Variants in ANKRD55 observed in about 807,000 individuals in gnomAD.
ANKRD55 encodes the protein ankyrin repeat domain-containing protein 55.
Under a neutral mutation model 60.6 loss-of-function variants are expected in ANKRD55, and 41 were observed. The observed-to-expected ratio is 0.68, with a 90% CI of 0.53 to 0.88. The LOEUF (loss-of-function observed/expected upper bound fraction) is 0.88. Among genes scored for constraint, ANKRD55 ranks in the 40% least tolerant of loss-of-function variants. The pLI is 0.00. For synonymous variants in ANKRD55, 264 were observed against 290.3 expected, an observed-to-expected ratio of 0.91 and a Z score of 0.92; for missense variants, 732 against 767.6, an observed-to-expected ratio of 0.95 and a Z score of 0.55.
intron 6 of ANKRD55, among the ~76,000 whole-genome samples, chr5:56,148,095 A>G: frequency 6.6e-6 from 1 of 152,234 alleles, no homozygotes. Context: ...AGCACACAGT[A>G]AGTGTTCAAG....
At chr5:56,130,267 T>C (rs1391516720) in intron 7 of ANKRD55, among the ~76,000 whole-genome samples, 1 of 152,188 alleles carries the variant, frequency 6.6e-6, no homozygotes, top group Non-Finnish European at 1.5e-5. Flanking sequence ...CAGAGCCTAA[T>C]CTACTGAGGT....
intron 2 of ANKRD55, among the ~76,000 whole-genome samples, chr5:56,185,662 C>G (rs1758952797): frequency 6.6e-6 from 1 of 150,924 alleles, no homozygotes. Context: ...GAGTGAAACT[C>G]CATCTCAAAA....
chr5:56,189,448 C>T (rs568135015), intron 2 of ANKRD55, among the ~76,000 whole-genome samples: 1 of 152,224 alleles, frequency 6.6e-6, no homozygotes, highest in East Asian at 1.9e-4. Context: ...TTTCATCTTC[C>T]AAATCTCTGT....
intron 5 of ANKRD55, among the ~76,000 whole-genome samples, chr5:56,165,331 CTG>C (rs911559330): frequency 9.8e-5 from 15 of 152,336 alleles, no homozygotes; most frequent in Admixed American, 3.3e-4. Flanking sequence ...GGGCCTGTGT[CTG>C]TGCACACATT....
At chr5:56,132,980 C>T (rs192926671) in intron 7 of ANKRD55, among the ~76,000 whole-genome samples, 1 of 152,270 alleles carries the variant, frequency 6.6e-6, no homozygotes, top group Non-Finnish European at 1.5e-5. Flanking sequence ...CATAACGATC[C>T]TTATGTACCG....
intron 2 of ANKRD55, among the ~76,000 whole-genome samples, chr5:56,199,080 AAAAC>A (rs56703145): frequency 4.7e-5 from 7 of 150,212 alleles, no homozygotes; most frequent in South Asian, 4.2e-4. Flanking sequence ...ACTCTGTCTC[AAAAC>A]AAACAAACAA....
chr5:56,102,859 A>G lies in ANKRD55; in HGVS notation c.1631-273T>C, dbSNP rs193067409. Among the ~76,000 whole-genome samples the G allele has an allele frequency of 1.8e-3, 271 of 152,322 alleles. 1 individual carries two copies. Among genetic ancestry groups the G allele is most frequent in the African/African-American group, 6.2e-3 (256 of 41,558 alleles). On this transcript the variant is annotated intron_variant, in intron 10 of 11. Transcript: ENST00000341048. ...AAACACACTGGGTTACTCACCCCATAAAAGTTAAAGTTGAAAAAAAAGGAA... is the reference window on the plus strand; with the variant it reads ...AAACACACTGGGTTACTCACCCCATGAAAGTTAAAGTTGAAAAAAAAGGAA...
At chr5:56,125,283 C>CTT (rs869302717) in intron 8 of ANKRD55, among the ~76,000 whole-genome samples, 1 of 147,492 alleles carries the variant, frequency 6.8e-6, no homozygotes, top group Non-Finnish European at 1.5e-5. Flanking sequence ...TTTCTTTTTT[C>CTT]TTTTTTTTTT....
At chr5:56,140,084 A>G (rs887222891) in intron 7 of ANKRD55, among the ~76,000 whole-genome samples, 3 of 152,212 alleles carry the variant, frequency 2.0e-5, no homozygotes, top group East Asian at 1.9e-4. Context: ...TATTATTTCA[A>G]TGAACTATAG....
chr5:56,167,576 T>A (rs1384658068), intron 5 of ANKRD55, among the ~76,000 whole-genome samples: 1 of 152,252 alleles, frequency 6.6e-6, no homozygotes, highest in Non-Finnish European at 1.5e-5. Flanking sequence ...TTTGGGATTA[T>A]TAGTTAAAGC....
chr5:56,111,294 C>T lies in ANKRD55; in HGVS notation c.1454G>A (p.Gly485Asp), dbSNP rs753745207. 6 of 1,614,120 alleles carry T rather than the reference C, an allele frequency of 3.7e-6. No individual in the cohort carries two copies. In the Admixed American group the frequency reaches 8.3e-5, roughly 22 times the overall value. Residue 485 changes from glycine (G) to aspartate (D), a missense_variant, in exon 10 of 12, where the codon GGC (glycine) becomes GAC (aspartate). By Grantham distance (94) the Gly-to-Asp change is moderately conservative. Coordinates refer to ENST00000341048, the MANE Select transcript of ANKRD55 (RefSeq NM_024669.3). ...GGGGTTATCTAGTAACATCTGGCAG[C>T]CAGTTCTGTTATTTAATAAATCCTG... ...SEQDLLNNRT[G>D]CQMLLDNPWK...
chr5:56,158,062 T>C (rs1348353791), intron 6 of ANKRD55, among the ~76,000 whole-genome samples: 2 of 152,176 alleles, frequency 1.3e-5, no homozygotes, highest in Non-Finnish European at 2.9e-5. Flanking sequence ...ACACCTGTAG[T>C]CCCAGCTACT....
chr5:56,144,248 A>G (rs1757844443), intron 6 of ANKRD55, among the ~76,000 whole-genome samples: 1 of 152,238 alleles, frequency 6.6e-6, no homozygotes, highest in South Asian at 2.1e-4. Flanking sequence ...AGATTGATAA[A>G]TACTATGAAG....
At chr5:56,198,367 C>A (rs1373032322) in intron 2 of ANKRD55, among the ~76,000 whole-genome samples, 1 of 151,892 alleles carries the variant, frequency 6.6e-6, no homozygotes, top group Non-Finnish European at 1.5e-5. Flanking sequence ...CTCACCGCAA[C>A]CTCTGCCTCC....
intron 7 of ANKRD55, among the ~76,000 whole-genome samples, chr5:56,135,852 T>C (rs1757583689): frequency 6.6e-6 from 1 of 152,196 alleles, no homozygotes; most frequent in Non-Finnish European, 1.5e-5. Flanking sequence ...GAAGCAATTA[T>C]AGCAAGATTT....
intron 2 of ANKRD55, among the ~76,000 whole-genome samples, chr5:56,204,790 T>C (rs1310545064): frequency 6.6e-6 from 1 of 152,230 alleles, no homozygotes; most frequent in Non-Finnish European, 1.5e-5. Flanking sequence ...TTTTGGAAAT[T>C]GAAAAGTAAG....
At chr5:56,229,964 G>T (rs372501033) in intron 2 of ANKRD55, among the ~76,000 whole-genome samples, 3 of 152,200 alleles carry the variant, frequency 2.0e-5, no homozygotes, top group Admixed American at 6.5e-5. Context: ...GGGTAGGTTG[G>T]ATGACTGGTT....
intron 6 of ANKRD55, among the ~76,000 whole-genome samples, chr5:56,145,130 C>A (rs903852344): frequency 1.3e-5 from 2 of 152,166 alleles, no homozygotes; most frequent in Non-Finnish European, 2.9e-5. Flanking sequence ...GATCTAGAGA[C>A]CTTTATGAGT....
chr5:56,228,915 TG>T (rs1760181160), intron 2 of ANKRD55, among the ~76,000 whole-genome samples: 1 of 152,126 alleles, frequency 6.6e-6, no homozygotes, highest in Non-Finnish European at 1.5e-5. Flanking sequence ...AGAAACGACC[TG>T]TGCAAGAGGG....
Sources: gnomAD v4.1 joint callset for allele counts (sites outside exome capture counted in the v4.1 genomes callset) on GRCh38, gnomAD v4.1.1 for gene constraint, MANE v1.5 for transcripts, NCBI Gene and HGNC (gene_info 2026-07-23, HGNC 2026-07-21) for gene names.